The following WDR26 variants were observed in gnomAD, a reference collection of about 807,000 sequenced individuals.
The protein encoded by WDR26 is WD repeat-containing protein 26.
In WDR26, 5 loss-of-function variants were observed where a neutral mutation model predicts 84.1. The observed-to-expected ratio is 0.06, with a 90% CI of 0.03 to 0.13. The LOEUF (loss-of-function observed/expected upper bound fraction) is 0.13. WDR26 is among the 10% of genes least tolerant of loss of function. WDR26 has a pLI of 1.00. For missense variants in WDR26, 642 were observed against 974.9 expected (o/e 0.66, Z 4.55); for synonymous variants, 415 against 389.6 (o/e 1.07, Z -0.77).
At chr1:224,401,116 A>C in intron 8 of WDR26, 47 bp from the exon 9 acceptor site, 2 of 1,565,506 alleles carry the variant, frequency 1.3e-6, no homozygotes, top group Non-Finnish European at 8.6e-7. Context: ...ATACCCCTCT[A>C]AAGGAATTAT....
chr1:224,398,642 C>T lies in WDR26; in HGVS notation c.1866-49G>A. 2.0e-6 allele frequency: 3 copies of T among 1,499,342 alleles called. No individual in the cohort carries two copies. In the South Asian group the frequency reaches 3.6e-5, roughly 18 times the overall value. The allele number at this position is 1,499,342 out of a possible 1,614,324, so 92.9% of individuals were successfully genotyped here. A position where few individuals can be genotyped will look rare whatever the true frequency, so the allele number is the denominator to read the frequency against. On this transcript the variant is annotated intron_variant, in intron 10 of 13. Transcript: ENST00000414423. Reference sequence around the variant, plus strand: ...AAAAACAACATATTAACAGTCAAGACATTCAAATTATCAATACATAAGATG... The same window carrying T: ...AAAAACAACATATTAACAGTCAAGATATTCAAATTATCAATACATAAGATG...
chr1:224,405,960 C>T (rs1043047951), intron 7 of WDR26, among the ~76,000 whole-genome samples: 1 of 152,114 alleles, frequency 6.6e-6, no homozygotes, highest in Non-Finnish European at 1.5e-5. Flanking sequence ...ATAAGGCAAC[C>T]ATAAAGGGAC....
intron 3 of WDR26, chr1:224,429,759 CTTA>C (rs1674333251): frequency 6.6e-6 from 1 of 152,156 alleles, no homozygotes; most frequent in Non-Finnish European, 1.5e-5. Flanking sequence ...AGGATTCCTC[CTTA>C]TTATCTATAA....
chr1:224,393,118 C>T (rs1673171493), intron 13 of WDR26, among the ~76,000 whole-genome samples: 1 of 152,178 alleles, frequency 6.6e-6, no homozygotes, highest in Admixed American at 6.6e-5. Context: ...CTTTCTTCAT[C>T]CCCAAGTATC....
intron 3 of WDR26, among the ~76,000 whole-genome samples, chr1:224,427,104 C>A (rs10916615): frequency 0.26 from 31,740 of 124,280 alleles, 5,249 homozygotes; most frequent in African/African-American, 0.44. Context: ...ACTCTGTCTC[C>A]AAAAAAAAAA....
chr1:224,392,099 T>C (rs1052324560), intron 13 of WDR26, among the ~76,000 whole-genome samples: 16 of 152,124 alleles, frequency 1.1e-4, no homozygotes, highest in Non-Finnish European at 2.4e-4. Context: ...CGGTGGCTCA[T>C]GCCTGTAATC....
chr1:224,399,534 T>C (rs1673352461), intron 9 of WDR26, among the ~76,000 whole-genome samples: 1 of 152,220 alleles, frequency 6.6e-6, no homozygotes, highest in South Asian at 2.1e-4. Context: ...AAAGCTCTTA[T>C]AGTCATTATC....
chr1:224,393,400 C>T (rs543570773), intron 13 of WDR26, among the ~76,000 whole-genome samples: 1 of 152,170 alleles, frequency 6.6e-6, no homozygotes, highest in Non-Finnish European at 1.5e-5. Flanking sequence ...ATGGTGCAAA[C>T]AGACGTTTAC....
At chr1:224,423,777 T>C (rs1305393169) in intron 4 of WDR26, among the ~76,000 whole-genome samples, 5 of 152,134 alleles carry the variant, frequency 3.3e-5, no homozygotes, top group African/African-American at 9.7e-5. Context: ...GGTATGCCAG[T>C]AGATATACAT....
rs778014441 is a variant in WDR26 at position 224,400,946 on chromosome 1, T to C, written c.1719+4A>G. The C allele has an allele frequency of 8.1e-6, 13 of 1,612,710 alleles. No individual in the cohort carries two copies. The South Asian group carries it at 1.3e-4, about 16-fold the overall frequency. ...ATACTGGGAAGGGGGCACTGAATACTTACACACTGATAGAACTGCCCACGC... is the reference window on the plus strand; with the variant it reads ...ATACTGGGAAGGGGGCACTGAATACCTACACACTGATAGAACTGCCCACGC... On this transcript the variant is annotated splice_donor_region_variant and intron_variant, in intron 9 of 13. Transcript: ENST00000414423.
chr1:224,413,228 G>T, intron 6 of WDR26: 6 of 910,060 alleles, frequency 6.6e-6, no homozygotes, highest in South Asian at 6.2e-5. Context: ...CAAAAAAAAC[G>T]TTATTTAAAC....
chr1:224,423,346 C>CA (rs1255803571), intron 4 of WDR26, among the ~76,000 whole-genome samples: 1 of 152,206 alleles, frequency 6.6e-6, no homozygotes, highest in Non-Finnish European at 1.5e-5. Context: ...TTCAGTCTTT[C>CA]ACTGCCAGCC....
chr1:224,434,286 T>G lies in WDR26; in HGVS notation c.120A>C (p.Gly40=). ...CTCTGCCTGCCGAAGCCCCGGGCTC[T>G]CCTACTCCCTCCGCCGCCGAGGCTC... Residue 40 remains glycine (G), a synonymous_variant, in exon 1 of 14, where the codon GGA becomes GGC. Coordinates refer to ENST00000414423, the MANE Select transcript of WDR26 (RefSeq NM_001379403.1). 8.1e-7 allele frequency: 1 copy of G among 1,240,834 alleles called. No homozygotes were observed. The highest frequency in any genetic ancestry group is 3.8e-5 in the South Asian group (1 of 26,534). The allele number at this position is 1,240,834 out of a possible 1,614,324, so 76.9% of individuals were successfully genotyped here.
At chr1:224,431,153 G>A (rs1032138391) in intron 3 of WDR26, 14 of 205,618 alleles carry the variant, frequency 6.8e-5, no homozygotes, top group African/African-American at 3.3e-4. Context: ...AGCACATTCA[G>A]TATTTTAAGT....
intron 10 of WDR26, 115 bp downstream of exon 10, chr1:224,398,774 C>G: frequency 7.3e-7 from 1 of 1,370,616 alleles, no homozygotes; most frequent in Non-Finnish European, 1.0e-6. Flanking sequence ...ACCTTCAATC[C>G]AAATTACCAC....
At chr1:224,422,023 C>A (rs1674078526) in intron 4 of WDR26, among the ~76,000 whole-genome samples, 1 of 152,018 alleles carries the variant, frequency 6.6e-6, no homozygotes, top group Non-Finnish European at 1.5e-5. Flanking sequence ...GATGCTGGAG[C>A]CATATCATAT....
chr1:224,391,991 C>T (rs938564765), intron 13 of WDR26, among the ~76,000 whole-genome samples: 72 of 152,110 alleles, frequency 4.7e-4, no homozygotes, highest in Non-Finnish European at 8.8e-5. Flanking sequence ...GGCTCACTCA[C>T]CAAAGTGAGG....
intron 9 of WDR26, among the ~76,000 whole-genome samples, chr1:224,399,346 T>C (rs1397569573): frequency 6.6e-6 from 1 of 152,196 alleles, no homozygotes; most frequent in Non-Finnish European, 1.5e-5. Flanking sequence ...GTCTTACTTT[T>C]ATTCAAAAAC....
intron 6 of WDR26, among the ~76,000 whole-genome samples, chr1:224,416,883 T>A (rs1558435420): frequency 6.6e-6 from 1 of 152,206 alleles, no homozygotes; most frequent in African/African-American, 2.4e-5. Context: ...CTATTGCTAT[T>A]CAATTTTATA....
Sources: allele counts gnomAD v4.1 joint callset (sites outside exome capture counted in the v4.1 genomes callset), GRCh38; gene constraint gnomAD v4.1.1; transcripts MANE v1.5; gene names NCBI Gene and HGNC (gene_info 2026-07-23, HGNC 2026-07-21).